SLC30A9: variants seen among roughly 807,000 people sequenced by gnomAD.
The protein encoded by SLC30A9 is solute carrier family 30 member 9.
Under a neutral mutation model 87.5 loss-of-function variants are expected in SLC30A9, and 58 were observed. That is an observed-to-expected ratio of 0.66 (90% CI 0.54 to 0.82). The LOEUF is 0.82. SLC30A9 is among the 40% of genes least tolerant of loss of function. The pLI is 0.00. For missense variants in SLC30A9, 557 were observed against 679.1 expected (o/e 0.82, Z 2.00); for synonymous variants, 234 against 233.0 (o/e 1.00, Z -0.04).
rs751755625 is a variant in SLC30A9, at chr4:42,049,357, G to A, written c.738-20G>A. ...TTTTTGTCCAAACCTATGCTAAATT[G>A]TTTTCTCTTTCTCTTCTAGCAATGG... On this transcript the variant is annotated intron_variant, in intron 8 of 17. Transcript: ENST00000264451. 2.0e-6 allele frequency: 3 copies of A among 1,531,250 alleles called. No homozygotes were observed. The highest frequency in any genetic ancestry group is 1.7e-4 in the Middle Eastern group (1 of 5,876). The allele number at this position is 1,531,250 out of a possible 1,614,324, so 94.9% of individuals were successfully genotyped here.
At chr4:42,009,867 G>GT (rs1457666798) in intron 2 of SLC30A9, among the ~76,000 whole-genome samples, 10 of 152,154 alleles carry the variant, frequency 6.6e-5, no homozygotes, top group African/African-American at 2.2e-4. Flanking sequence ...TGGACATTAG[G>GT]TAAGTTTTGA....
At chr4:42,056,797 T>C (rs895339704) in intron 9 of SLC30A9, among the ~76,000 whole-genome samples, 7 of 152,178 alleles carry the variant, frequency 4.6e-5, no homozygotes, top group African/African-American at 1.7e-4. Flanking sequence ...GGTTAGTTAT[T>C]TCCTGGATAC....
intron 9 of SLC30A9, among the ~76,000 whole-genome samples, chr4:42,053,225 A>T (rs28889006): frequency 6.6e-6 from 1 of 152,180 alleles, no homozygotes; most frequent in Non-Finnish European, 1.5e-5. Flanking sequence ...GTTGGTGAAG[A>T]TGTGGAGCAG....
At chr4:42,029,517 T>C (rs1716332943) in intron 6 of SLC30A9, 1 of 675,122 alleles carries the variant, frequency 1.5e-6, no homozygotes, top group African/African-American at 1.8e-5. Context: ...GTGAGGCATA[T>C]GTGCTGAACG....
intron 6 of SLC30A9, among the ~76,000 whole-genome samples, chr4:42,025,595 A>G (rs113521578): frequency 1.1e-3 from 165 of 152,312 alleles, no homozygotes; most frequent in Non-Finnish European, 1.8e-3. Flanking sequence ...GGCATTTTCA[A>G]AAGTTTGAAG....
intron 2 of SLC30A9, among the ~76,000 whole-genome samples, chr4:42,012,493 G>C (rs1715489015): frequency 6.6e-6 from 1 of 152,138 alleles, no homozygotes; most frequent in Admixed American, 6.5e-5. Flanking sequence ...GTACATAGTA[G>C]GTGTATATAT....
chr4:42,032,096 G>A (rs1304834405), intron 6 of SLC30A9, among the ~76,000 whole-genome samples: 2 of 152,110 alleles, frequency 1.3e-5, no homozygotes, highest in African/African-American at 4.8e-5. Flanking sequence ...TGGGGGAGGT[G>A]CCTCACACTT....
intron 12 of SLC30A9, 61 bp downstream of exon 12, chr4:42,065,410 A>T: frequency 2.2e-6 from 2 of 909,010 alleles, no homozygotes; most frequent in East Asian, 4.8e-5. Flanking sequence ...TCAGCTGTCC[A>T]TTATTATAGT....
chr4:41,990,830 C>A, intron 1 of SLC30A9, 70 bp downstream of exon 1: 2 of 1,128,940 alleles, frequency 1.8e-6, no homozygotes, highest in South Asian at 1.3e-5. Flanking sequence ...CTCGGCGCCT[C>A]GCCTGGGGCA....
At chr4:42,053,694 C>CAAA (rs1717477636) in intron 9 of SLC30A9, among the ~76,000 whole-genome samples, 1 of 25,958 alleles carries the variant, frequency 3.9e-5, no homozygotes, top group African/African-American at 5.8e-4. Context: ...GACTCGGTCT[C>CAAA]CAAAAAAAAA....
intron 16 of SLC30A9, among the ~76,000 whole-genome samples, chr4:42,077,021 T>A (rs996897605): frequency 7.2e-5 from 11 of 152,024 alleles, no homozygotes; most frequent in Non-Finnish European, 1.5e-4. Flanking sequence ...GTTTCCTTGT[T>A]CACATATATG....
chr4:42,034,312 A>G (rs1013670227), intron 6 of SLC30A9, among the ~76,000 whole-genome samples: 1 of 152,152 alleles, frequency 6.6e-6, no homozygotes, highest in Non-Finnish European at 1.5e-5. Context: ...AACCATTTTT[A>G]AAGGTACAGT....
intron 2 of SLC30A9, among the ~76,000 whole-genome samples, chr4:42,006,331 G>A (rs1329417442): frequency 6.6e-6 from 1 of 152,134 alleles, no homozygotes; most frequent in Non-Finnish European, 1.5e-5. Flanking sequence ...GCACTTAACT[G>A]AGTCTTGAGT....
intron 8 of SLC30A9, among the ~76,000 whole-genome samples, chr4:42,040,152 A>C (rs1716859752): frequency 6.6e-6 from 1 of 152,184 alleles, no homozygotes; most frequent in Non-Finnish European, 1.5e-5. Flanking sequence ...TGAGGAGAGT[A>C]CTGGAAGGAG....
At chr4:42,051,311 A>G (rs551559071) in intron 9 of SLC30A9, among the ~76,000 whole-genome samples, 2 of 152,212 alleles carry the variant, frequency 1.3e-5, no homozygotes, top group African/African-American at 4.8e-5. Flanking sequence ...AAAGCCTCAC[A>G]TTCTTTAATA....
At chr4:42,029,940 T>A in intron 6 of SLC30A9, 1 of 820,150 alleles carries the variant, frequency 1.2e-6, no homozygotes, top group Non-Finnish European at 2.1e-6. Context: ...TCTGCAGAAT[T>A]ATCCCTACTA....
chr4:42,068,663 G>A (rs1237600724), intron 14 of SLC30A9, among the ~76,000 whole-genome samples: 2 of 152,214 alleles, frequency 1.3e-5, no homozygotes, highest in African/African-American at 2.4e-5. Flanking sequence ...GGACTTAACC[G>A]TATATTGTGG....
At position 42,086,180 on chromosome 4, in the gene SLC30A9, CACTCT is replaced by C; in HGVS notation, c.*57_*61del. ...GACCTTGGAAACAAGTTTGTCCGTCCACTCTACAAAGTTTCCTCCTCTCCTACACT... is the reference window on the plus strand; with the variant it reads ...GACCTTGGAAACAAGTTTGTCCGTCCACAAAGTTTCCTCCTCTCCTACACT... On this transcript the variant is annotated 3_prime_UTR_variant, in exon 18 of 18. Transcript: ENST00000264451. 1 of 1,178,162 alleles carries C rather than the reference CACTCT, an allele frequency of 8.5e-7. No individual in the cohort carries two copies. 73.0% of individuals were successfully genotyped at this position (1,178,162 alleles called of 1,614,324 possible).
intron 4 of SLC30A9, 162 bp downstream of exon 4, chr4:42,020,677 G>C: frequency 2.0e-6 from 1 of 488,240 alleles, no homozygotes; most frequent in Non-Finnish European, 3.6e-6. Flanking sequence ...GTTAAAAATT[G>C]TTAGCAAACT....
Sources: allele counts gnomAD v4.1 joint callset (sites outside exome capture counted in the v4.1 genomes callset), GRCh38; gene constraint gnomAD v4.1.1; transcripts MANE v1.5; gene names NCBI Gene and HGNC (gene_info 2026-07-23, HGNC 2026-07-21).